Variants in ICA1 observed in about 807,000 individuals in gnomAD.
ICA1 encodes the protein islet cell autoantigen 1.
A neutral mutation model predicts 71.0 loss-of-function variants in ICA1; 40 were observed. The observed-to-expected ratio is 0.56, with a 90% CI of 0.44 to 0.73. The LOEUF is 0.73. ICA1 is among the 30% of genes least tolerant of loss of function. The pLI is 0.00. For missense variants in ICA1, 578 were observed against 576.5 expected, an observed-to-expected ratio of 1.00 and a Z score of -0.03; for synonymous variants, 207 against 209.5, an observed-to-expected ratio of 0.99 and a Z score of 0.10.
intron 4 of ICA1, 106 bp from the exon 5 acceptor site, chr7:8,221,504 G>T (rs907359444): frequency 7.7e-7 from 1 of 1,293,412 alleles, no homozygotes; most frequent in Non-Finnish European, 1.1e-6. Context: ...AGGCGAAGAC[G>T]AGATGAAATT....
chr7:8,233,850 T>C (rs1295507778), intron 2 of ICA1, among the ~76,000 whole-genome samples: 2 of 152,220 alleles, frequency 1.3e-5, no homozygotes, highest in Non-Finnish European at 2.9e-5. Flanking sequence ...CTCTTCCATA[T>C]AAATGCTTAA....
chr7:8,221,576 T>A (rs565329166), intron 4 of ICA1, among the ~76,000 whole-genome samples, 178 bp from the exon 5 acceptor site: 1 of 152,356 alleles, frequency 6.6e-6, no homozygotes, highest in Admixed American at 6.5e-5. Flanking sequence ...TTCAGGCTGT[T>A]CTTCCATTTA....
chr7:8,213,313 G>A (rs1794418670), intron 6 of ICA1, among the ~76,000 whole-genome samples: 1 of 152,166 alleles, frequency 6.6e-6, no homozygotes, highest in Non-Finnish European at 1.5e-5. Context: ...TATGAATTAA[G>A]CAAAGTCCTG....
intron 6 of ICA1, among the ~76,000 whole-genome samples, chr7:8,204,629 T>C (rs1418351765): frequency 1.3e-5 from 2 of 152,216 alleles, no homozygotes. Context: ...ACCTATCACA[T>C]TGTTCATTGT....
chr7:8,193,506 T>A (rs1471870938), intron 6 of ICA1, among the ~76,000 whole-genome samples: 2 of 152,200 alleles, frequency 1.3e-5, no homozygotes, highest in African/African-American at 4.8e-5. Flanking sequence ...GTCTGCTAAC[T>A]AGAGTTGAAA....
At position 8,173,419 on chromosome 7, in the gene ICA1, T is replaced by G. The variant is rs1294770905; in HGVS notation, c.580-14767A>C. ...AAATCTATGAGTTCATAATAATACT[T>G]AAAAACAAGCAAATGAACAAATCAA... On this transcript the variant is annotated intron_variant, in intron 6 of 13. Coordinates refer to ENST00000402384, the MANE Select transcript of ICA1 (RefSeq NM_001136020.3). The surrounding 1 kb of genome is among the most constrained non-coding windows in gnomAD (Gnocchi z 4.0). 6.6e-6 allele frequency among the ~76,000 whole-genome samples: 1 copy of G among 152,066 alleles called. No individual in the cohort carries two copies. The highest frequency in any genetic ancestry group is 1.9e-4 in the East Asian group (1 of 5,200).
Position 8,114,298 on chromosome 7 carries a change from C to T in ICA1, c.1331-254G>A, listed in dbSNP as rs577928084. On this transcript the variant is annotated intron_variant, in intron 13 of 13. Transcript: ENST00000402384. The stretch of plus-strand genomic sequence containing the variant: ...AACAAACTCCCACCTGCACCCCAAC[C>T]CCACTAATGGCCATAGCCCATGAAA... Among the ~76,000 whole-genome samples, 9 of 152,282 alleles carry T rather than the reference C, an allele frequency of 5.9e-5. No individual in the cohort carries two copies. The South Asian group carries it at 1.2e-3, about 21-fold the overall frequency.
chr7:8,253,826 A>T (rs1354963462), intron 1 of ICA1, among the ~76,000 whole-genome samples: 1 of 152,160 alleles, frequency 6.6e-6, no homozygotes, highest in African/African-American at 2.4e-5. Context: ...GATGACTTTA[A>T]TTCATATGTA....
intron 6 of ICA1, among the ~76,000 whole-genome samples, chr7:8,178,207 C>T (rs931518096): frequency 2.6e-5 from 4 of 152,198 alleles, no homozygotes; most frequent in Non-Finnish European, 5.9e-5. Flanking sequence ...TTCTCCTTCA[C>T]TGGCCCTTCA....
At chr7:8,207,860 C>T (rs6968328) in intron 6 of ICA1, among the ~76,000 whole-genome samples, 150,588 of 152,340 alleles carry the variant, frequency 0.99, 74,435 homozygotes, top group Middle Eastern at 1. Context: ...ATCATTCTTC[C>T]GATAGCTCAA....
intron 1 of ICA1, among the ~76,000 whole-genome samples, chr7:8,258,236 C>A (rs1810926600): frequency 1.3e-5 from 2 of 152,202 alleles, no homozygotes; most frequent in African/African-American, 2.4e-5. Context: ...ATGGTGGGGT[C>A]TGAGTCTTGG....
At chr7:8,213,514 G>C (rs1018025049) in intron 6 of ICA1, among the ~76,000 whole-genome samples, 6 of 152,272 alleles carry the variant, frequency 3.9e-5, no homozygotes, top group African/African-American at 1.2e-4. Flanking sequence ...AAAGGCCTTC[G>C]TCCTACAGCC....
chr7:8,174,621 G>A (rs1218296792), intron 6 of ICA1, among the ~76,000 whole-genome samples: 4 of 151,480 alleles, frequency 2.6e-5, no homozygotes, highest in African/African-American at 4.9e-5. Flanking sequence ...TGGCAAAACC[G>A]GGTTTCTACA....
chr7:8,123,431 G>C lies in ICA1; in HGVS notation c.1330+4442C>G, dbSNP rs958443976. 3.9e-5 allele frequency among the ~76,000 whole-genome samples: 6 copies of C among 152,098 alleles called. No individual in the cohort carries two copies. Among genetic ancestry groups the C allele is most frequent in the African/African-American group, 1.4e-4 (6 of 41,416 alleles). ...TGTGAGAGGGGGTGAGGGAGCTGGG[G>C]ACGCGGCCCAGAGCTTGCACTTCAG... On this transcript the variant is annotated intron_variant, in intron 13 of 13. Transcript: ENST00000402384. This position sits in a 1 kb window ranked among gnomAD's most constrained non-coding sequence, Gnocchi z 4.1.
intron 8 of ICA1, among the ~76,000 whole-genome samples, chr7:8,151,835 T>C (rs1195449314): frequency 6.6e-6 from 1 of 152,126 alleles, no homozygotes; most frequent in Non-Finnish European, 1.5e-5. Context: ...AGAATGACGT[T>C]CCATCTAACA....
chr7:8,121,689 T>C (rs1432088515), intron 13 of ICA1, among the ~76,000 whole-genome samples: 2 of 152,184 alleles, frequency 1.3e-5, no homozygotes, highest in African/African-American at 2.4e-5. Flanking sequence ...TAGCATTCGA[T>C]AGCACGACAG....
At chr7:8,135,887 C>T (rs1031483516) in intron 12 of ICA1, among the ~76,000 whole-genome samples, 1 of 152,118 alleles carries the variant, frequency 6.6e-6, no homozygotes, top group Non-Finnish European at 1.5e-5. Flanking sequence ...CTTTGTAACA[C>T]CACTTTTTTG....
chr7:8,113,279 G>A lies in ICA1; in HGVS notation c.*644C>T, dbSNP rs1176535258. On this transcript the variant is annotated 3_prime_UTR_variant, in exon 14 of 14. Coordinates refer to ENST00000402384, the MANE Select transcript of ICA1 (RefSeq NM_001136020.3). The surrounding 1 kb of genome is among the most constrained non-coding windows in gnomAD (Gnocchi z 4.2). ...ATACATGCTTTTGAATTCCAGCCAC[G>A]AAGAGGACAAAAGGAGACAGTGGTA... is the stretch of plus-strand genomic sequence containing the variant. 1 of 151,356 alleles carries A rather than the reference G, an allele frequency of 6.6e-6. No homozygotes were observed. The highest frequency in any genetic ancestry group is 2.4e-5 in the African/African-American group (1 of 41,198). The allele number at this position is 151,356 out of a possible 1,614,324, so 9.4% of individuals were successfully genotyped here.
chr7:8,151,233 T>C (rs1452868051), intron 8 of ICA1, among the ~76,000 whole-genome samples: 1 of 152,114 alleles, frequency 6.6e-6, no homozygotes, highest in South Asian at 2.1e-4. Context: ...AGGGAGGAGT[T>C]AGGGAATGAG....
Sources: allele counts gnomAD v4.1 joint callset (sites outside exome capture counted in the v4.1 genomes callset), GRCh38; gene constraint gnomAD v4.1.1; non-coding constraint Gnocchi (gnomAD v3.1); transcripts MANE v1.5; gene names NCBI Gene and HGNC (gene_info 2026-07-23, HGNC 2026-07-21).